PLCB4: variants seen among roughly 807,000 people sequenced by gnomAD.
The protein encoded by PLCB4 is 1-phosphatidylinositol 4,5-bisphosphate phosphodiesterase beta-4.
PLCB4 carries 77 observed loss-of-function variants against 178.8 expected under a neutral mutation model. The observed-to-expected ratio is 0.43, with a 90% CI of 0.36 to 0.52. The LOEUF is 0.52. Among genes scored for constraint, PLCB4 ranks in the 20% least tolerant of loss-of-function variants. The pLI, the probability that PLCB4 is intolerant of heterozygous loss-of-function variation, is 0.00. For synonymous variants in PLCB4, 496 were observed against 490.8 expected (o/e 1.01, Z -0.14); for missense variants, 1,024 against 1,453.4 (o/e 0.70, Z 4.80).
intron 3 of PLCB4, among the ~76,000 whole-genome samples, chr20:9,286,703 A>G (rs1173944294): frequency 6.6e-6 from 1 of 152,058 alleles, no homozygotes; most frequent in Non-Finnish European, 1.5e-5. Context: ...CAGTGAGGTC[A>G]TTCTGAGTCA....
intron 19 of PLCB4, among the ~76,000 whole-genome samples, chr20:9,398,615 A>G (rs1203532189): frequency 2.0e-5 from 3 of 152,174 alleles, no homozygotes; most frequent in Non-Finnish European, 4.4e-5. Flanking sequence ...AATTACTACC[A>G]TCGTTGTACC....
At chr20:9,263,178 A>G (rs768588387) in intron 3 of PLCB4, among the ~76,000 whole-genome samples, 10 of 152,160 alleles carry the variant, frequency 6.6e-5, no homozygotes, top group Non-Finnish European at 1.3e-4. Context: ...TCCTTGGTCC[A>G]GTCAGCACTG....
At chr20:9,240,860 A>G (rs1325082809) in intron 3 of PLCB4, among the ~76,000 whole-genome samples, 2 of 152,176 alleles carry the variant, frequency 1.3e-5, no homozygotes, top group African/African-American at 4.8e-5. Flanking sequence ...TCAGTCCAAC[A>G]ACCCTGGCCA....
At chr20:9,337,277 A>G in intron 5 of PLCB4, 71 bp downstream of exon 5, 1 of 1,040,762 alleles carries the variant, frequency 9.6e-7, no homozygotes, top group South Asian at 1.3e-5. Flanking sequence ...CAACAAGTAG[A>G]CTGAGTGCTG....
At chr20:9,432,964 G>A (rs575235917) in intron 28 of PLCB4, among the ~76,000 whole-genome samples, 10 of 152,296 alleles carry the variant, frequency 6.6e-5, no homozygotes, top group African/African-American at 2.2e-4. Flanking sequence ...GTAATGTTGG[G>A]AGCCAAAGTA....
chr20:9,248,191 G>A (rs1036389868), intron 3 of PLCB4, among the ~76,000 whole-genome samples: 11 of 151,908 alleles, frequency 7.2e-5, no homozygotes, highest in Non-Finnish European at 1.0e-4. Flanking sequence ...GTATATATAC[G>A]TATATACACA....
chr20:9,229,132 G>C (rs550517107), intron 3 of PLCB4, among the ~76,000 whole-genome samples: 117 of 152,318 alleles, frequency 7.7e-4, no homozygotes, highest in African/African-American at 2.7e-3. Context: ...TATACAAAAA[G>C]AGTGGTTCTT....
At chr20:9,292,583 G>T (rs1329256096) in intron 3 of PLCB4, among the ~76,000 whole-genome samples, 1 of 152,204 alleles carries the variant, frequency 6.6e-6, no homozygotes, top group African/African-American at 2.4e-5. Flanking sequence ...CATAGAGGTG[G>T]TGTGGTTGGA....
intron 2 of PLCB4, among the ~76,000 whole-genome samples, chr20:9,144,719 AAG>A (rs2092562734): frequency 3.6e-5 from 2 of 55,452 alleles, no homozygotes; most frequent in African/African-American, 1.8e-4. Context: ...GAAGGGGAAG[AAG>A]GGGAAGGAGG....
chr20:9,399,662 T>C (rs773630994), intron 19 of PLCB4, among the ~76,000 whole-genome samples: 1 of 152,372 alleles, frequency 6.6e-6, no homozygotes, highest in South Asian at 2.1e-4. Context: ...TGTCTGTGCA[T>C]ATCTGCACAC....
rs192928190 is a variant in PLCB4 at position 9,132,375 on chromosome 20, A to G, written c.-79+36033A>G. Among the ~76,000 whole-genome samples, 556 of 152,166 alleles carry G rather than the reference A, an allele frequency of 3.7e-3. 18 individuals carry two copies. Among genetic ancestry groups the G allele is most frequent in the Admixed American group, 0.034 (525 of 15,266 alleles). On this transcript the variant is annotated intron_variant, in intron 2 of 39. Coordinates refer to ENST00000378473, the MANE Select transcript of PLCB4 (RefSeq NM_001377142.1). ...AATGTCATGCAGTATTTTTATTTCC[A>G]CATAGTTATACTTAAGGAAGCTACC...
intron 7 of PLCB4, among the ~76,000 whole-genome samples, chr20:9,348,677 A>T (rs1472951984): frequency 6.6e-6 from 1 of 152,120 alleles, no homozygotes; most frequent in Non-Finnish European, 1.5e-5. Context: ...CTACTTTCAT[A>T]AGGAATTAAG....
intron 2 of PLCB4, among the ~76,000 whole-genome samples, chr20:9,167,745 G>A (rs1003260616): frequency 6.6e-6 from 1 of 152,128 alleles, no homozygotes; most frequent in East Asian, 1.9e-4. Flanking sequence ...ACTTAGTACC[G>A]AATAATTGGC....
At chr20:9,136,647 G>T (rs986100062) in intron 2 of PLCB4, among the ~76,000 whole-genome samples, 5 of 152,080 alleles carry the variant, frequency 3.3e-5, no homozygotes, top group Admixed American at 1.3e-4. Context: ...GGCAACTTCT[G>T]TGTGCACTCA....
At chr20:9,384,078 G>T in intron 13 of PLCB4, 123 bp from the exon 14 acceptor site, 1 of 697,830 alleles carries the variant, frequency 1.4e-6, no homozygotes, top group Non-Finnish European at 2.5e-6. Flanking sequence ...GAAAGTTCTT[G>T]GGAAAGAGAC....
chr20:9,259,595 GAGA>G (rs1214874216), intron 3 of PLCB4, among the ~76,000 whole-genome samples: 1 of 152,102 alleles, frequency 6.6e-6, no homozygotes, highest in Non-Finnish European at 1.5e-5. Flanking sequence ...CAGAGATGGA[GAGA>G]AGGAGGGAAT....
rs1246715321 is a variant in PLCB4 at position 9,209,149 on chromosome 20, C to T, written c.-78-8241C>T. Reference sequence around the variant, plus strand: ...TTTAGTTTAAGGTCAAGAGGAGAAACATCTCTTATAGATTTAGAACTTGGT... The same window carrying T: ...TTTAGTTTAAGGTCAAGAGGAGAAATATCTCTTATAGATTTAGAACTTGGT... On this transcript the variant is annotated intron_variant, in intron 2 of 39. Transcript: ENST00000378473. Among the ~76,000 whole-genome samples, 5 of 152,126 alleles carry T rather than the reference C, an allele frequency of 3.3e-5. No homozygotes were observed. The East Asian group carries it at 9.6e-4, about 29-fold the overall frequency.
At chr20:9,228,519 A>C (rs981903103) in intron 3 of PLCB4, among the ~76,000 whole-genome samples, 3 of 152,130 alleles carry the variant, frequency 2.0e-5, no homozygotes, top group African/African-American at 7.2e-5. Context: ...ATGGAAGCTG[A>C]GAGATTGTTC....
At chr20:9,090,520 T>G (rs2090634258) in intron 1 of PLCB4, among the ~76,000 whole-genome samples, 1 of 151,660 alleles carries the variant, frequency 6.6e-6, no homozygotes, top group African/African-American at 2.4e-5. Context: ...GTGTTTTTTT[T>G]TTTTTTTCAA....
Sources: gnomAD v4.1 joint callset for allele counts (sites outside exome capture counted in the v4.1 genomes callset) on GRCh38, gnomAD v4.1.1 for gene constraint, MANE v1.5 for transcripts, NCBI Gene and HGNC (gene_info 2026-07-23, HGNC 2026-07-21) for gene names.